PARP10: variants seen among roughly 807,000 people sequenced by gnomAD.
PARP10 encodes poly(ADP-ribose) polymerase family member 10, also known as protein mono-ADP-ribosyltransferase PARP10.
A neutral mutation model predicts 82.4 loss-of-function variants in PARP10; 56 were observed. The ratio of observed to expected loss-of-function variants is 0.68; its 90% CI spans 0.55 to 0.85. The LOEUF is 0.85. Ranked by LOEUF, PARP10 falls within the 40% of genes least tolerant of loss-of-function variation. The pLI, the probability that PARP10 is intolerant of heterozygous loss-of-function variation, is 0.00. For missense variants in PARP10, 1,227 were observed against 1,379.4 expected, an observed-to-expected ratio of 0.89 and a Z score of 1.75; for synonymous variants, 576 against 601.1, an observed-to-expected ratio of 0.96 and a Z score of 0.61.
In PARP10 at chr8:143,977,631, G is replaced by A. The variant is rs190134860; in HGVS notation, c.2931C>T (p.Ser977=). 187 of 1,591,534 alleles carry A rather than the reference G, an allele frequency of 1.2e-4. No homozygotes were observed. The African/African-American group carries it at 2.4e-3, about 20-fold the overall frequency. ...TGGGCTGGCAGATGCAGTCCACGGC[G>A]CTGTCGTAGCGCAGGAGCACGTGGC... ...GPGHVLLRYD[S]AVDCICQPSI... Residue 977 remains serine (S), a synonymous_variant, in exon 11 of 11, where the codon AGC becomes AGT. Transcript: ENST00000313028.
upstream of PARP10, among the ~76,000 whole-genome samples, chr8:143,988,370 A>AAAC (rs1834036570): frequency 1.4e-5 from 2 of 141,890 alleles, no homozygotes; most frequent in Non-Finnish European, 3.0e-5. Context: ...GACTGGTCTC[A>AAAC]AACTCCTGAC....
At position 143,996,388 on chromosome 8, in the gene PARP10, G is replaced by A. The variant is rs186162464; in HGVS notation, c.-79-9950C>T. 3.7e-3 allele frequency among the ~76,000 whole-genome samples: 564 copies of A among 152,336 alleles called. 2 individuals are homozygous for A. The highest frequency in any genetic ancestry group is 0.012 in the African/African-American group (515 of 41,576). On this transcript the variant is annotated intron_variant, in intron 1 of 3. Coordinates refer to the PARP10 transcript ENST00000530478. ...ATTCCCCACCCTGCAAAGCAACGCT[G>A]TCAATCAACGGTGCCTGCTGAAACC... is the stretch of plus-strand genomic sequence containing the variant.
chr8:143,998,935 G>GTGAGAC (rs1834180336), intron 1 of PARP10, among the ~76,000 whole-genome samples: 1 of 141,338 alleles, frequency 7.1e-6, no homozygotes, highest in African/African-American at 2.8e-5. Context: ...GGGTGACAGA[G>GTGAGAC]TGAGACCCTG....
Position 143,977,910 on chromosome 8 carries a change from TGCGGCCGCAGAAGCTGCGGTTGAAGCC to T in PARP10, c.2701_2727del (p.Gly901_Arg909del), listed in dbSNP as rs1554746737. ...CCCTGCCCGGCTCAGGCCTCACCGTTGCGGCCGCAGAAGCTGCGGTTGAAGCCGTGGGCGCAGATGTCAGGCACTGCC... is the reference window on the plus strand; with the variant it reads ...CCCTGCCCGGCTCAGGCCTCACCGTTGTGGGCGCAGATGTCAGGCACTGCC... On this transcript the variant is annotated inframe_deletion, in exon 10 of 11. Coordinates refer to ENST00000313028, the MANE Select transcript of PARP10 (RefSeq NM_032789.5). The T allele has an allele frequency of 6.2e-7, 1 of 1,601,840 alleles. No individual in the cohort carries two copies. Among genetic ancestry groups the T allele is most frequent in the South Asian group, 1.1e-5 (1 of 90,888 alleles).
chr8:143,977,997 C>T lies in PARP10; in HGVS notation c.2641G>A (p.Val881Met), dbSNP rs782668875. 63 of 1,591,862 alleles carry T rather than the reference C, an allele frequency of 4.0e-5. No homozygotes were observed. In the Middle Eastern group the frequency reaches 1.5e-3, roughly 39 times the overall value. ...GTGCCGTGGTACAGCACCTGCTCCA[C>T]CGGGCGCCGCTCGCATCGCTGCAGC... The part of the protein sequence containing the change: ...RLLQRCERRP[V>M]EQVLYHGTTA... Residue 881 changes from valine to methionine, a missense_variant, in exon 10 of 11, where the codon GTG becomes ATG. Physicochemically the swap from Val to Met is conservative, Grantham distance 21 (BLOSUM62 1). Coordinates refer to ENST00000313028, the MANE Select transcript of PARP10 (RefSeq NM_032789.5).
In PARP10 at chr8:143,983,765, G is replaced by A. The variant is rs374771115; in HGVS notation, c.1824C>T (p.Asp608=). 8.1e-5 allele frequency: 130 copies of A among 1,610,708 alleles called. No individual in the cohort carries two copies. Among genetic ancestry groups the A allele is most frequent in the South Asian group, 1.5e-4 (14 of 90,448 alleles). ...LLATLEGLDL[D]GEDWLPRELE... ...GCTCCCGAGGCAGCCAGTCCTCCCC[G>A]TCTAGGTCTAGGCCCTCCAGGGTGG... The change falls in exon 8 of 11, where the codon GAC becomes GAT. Residue 608 remains aspartate, a synonymous_variant. Transcript: ENST00000313028.
upstream of PARP10, chr8:143,992,947 C>A: frequency 1.1e-6 from 1 of 937,184 alleles, no homozygotes; most frequent in Non-Finnish European, 1.6e-6. Flanking sequence ...TCCCCAGGCA[C>A]AGCCTAGGGA....
Position 143,979,388 on chromosome 8 carries a change from G to C in PARP10, c.2557-1307C>G, listed in dbSNP as rs115672392. 5.2e-3 allele frequency among the ~76,000 whole-genome samples: 787 copies of C among 152,266 alleles called. 11 individuals carry two copies. Among genetic ancestry groups the C allele is most frequent in the African/African-American group, 0.018 (761 of 41,544 alleles). On this transcript the variant is annotated intron_variant, in intron 9 of 10. Coordinates refer to ENST00000313028, the MANE Select transcript of PARP10 (RefSeq NM_032789.5). ...ACCAGATGCTAAGAAACCATGGGGG[G>C]ATATTTTTTAACTTTCCAAGAAAAA... is the stretch of plus-strand genomic sequence containing the variant.
At chr8:144,010,217 C>T (rs1326417194) in intron 1 of PARP10, among the ~76,000 whole-genome samples, 1 of 152,180 alleles carries the variant, frequency 6.6e-6, no homozygotes, top group Non-Finnish European at 1.5e-5. Context: ...GTAAGCTCAG[C>T]ATTTATATAT....
chr8:143,992,466 C>T (rs781824850), upstream of PARP10: 3 of 1,614,138 alleles, frequency 1.9e-6, no homozygotes, highest in South Asian at 3.3e-5. Context: ...CACCTGCAGA[C>T]CCGCTACGAC....
In PARP10 at chr8:143,985,270, G is replaced by A. The variant is rs76489217; in HGVS notation, c.732C>T (p.Val244=). The A allele has an allele frequency of 2.2e-3, 3,626 of 1,613,738 alleles. 83 individuals carry two copies. The African/African-American group carries it at 0.043, about 19-fold the overall frequency. The stretch of plus-strand genomic sequence containing the variant: ...CGGGCTCCAGGATGTCGTAGTGGGG[G>A]ACAAGGCTCAGCTCTGAGCCCTGCA... ...HRLQGSELSL[V]PHYDILEPEE... is the part of the protein sequence containing the mutation. The change falls in exon 5 of 11, where the codon GTC becomes GTT. Residue 244 remains valine (V), a synonymous_variant. Coordinates refer to ENST00000313028, the MANE Select transcript of PARP10 (RefSeq NM_032789.5).
At chr8:143,993,487 A>T (rs1267516940), upstream of PARP10, 1 of 156,800 alleles carries the variant, frequency 6.4e-6, no homozygotes, top group Non-Finnish European at 1.4e-5. Context: ...CTCCCTGCTG[A>T]TGGAGACACA....
rs76928472 is a variant in PARP10 at position 144,012,439 on chromosome 8, G to A, written c.-80+91C>T. ...AGACTCTGCACCCTCCTTCAGCCCA[G>A]GCAAGGCCTGGGGCCCTGGGCAGCC... On this transcript the variant is annotated intron_variant, in intron 1 of 3. Coordinates refer to the PARP10 transcript ENST00000530478. The A allele has an allele frequency of 1.2e-3, 1,581 of 1,341,840 alleles. 10 individuals are homozygous for A. In the African/African-American group the frequency reaches 0.02, roughly 17 times the overall value. 83.1% of individuals were successfully genotyped at this position (1,341,840 alleles called of 1,614,324 possible).
chr8:143,990,507 GCCCCTACCCGCCTCGC>G (rs1269869686), upstream of PARP10: 1 of 152,142 alleles, frequency 6.6e-6, no homozygotes, highest in Admixed American at 6.5e-5. The surrounding 1 kb of genome is among the most constrained non-coding windows in gnomAD (Gnocchi z 5.6). Context: ...CACGGCCGCA[GCCCCTACCCGCCTCGC>G]CCCACGCCCG....
intron 1 of PARP10, among the ~76,000 whole-genome samples, chr8:144,010,424 T>C (rs528649942): frequency 8.7e-4 from 132 of 152,306 alleles, no homozygotes; most frequent in African/African-American, 3.1e-3. Flanking sequence ...GGAGTTCTTT[T>C]ATATTAGGAG....
Position 143,981,318 on chromosome 8 carries a change from A to G in PARP10, c.2556+1614T>C, listed in dbSNP as rs111842867. On this transcript the variant is annotated intron_variant, in intron 9 of 10. Transcript: ENST00000313028. Reference sequence around the variant, plus strand: ...GGTGGTGGTGGTAGTGGTGGTGGTGATGGTGGTGACGACAGTGAGTGGTGA... The same window carrying G: ...GGTGGTGGTGGTAGTGGTGGTGGTGGTGGTGGTGACGACAGTGAGTGGTGA... Among the ~76,000 whole-genome samples the G allele has an allele frequency of 4.0e-5, 5 of 123,852 alleles. No individual in the cohort carries two copies. In the East Asian group the frequency reaches 6.8e-4, roughly 17 times the overall value. 81.3% of individuals were successfully genotyped at this position (123,852 alleles called of 152,430 possible).
rs1554747707 is a variant in PARP10, at chr8:143,981,394, GAT to G, written c.2556+1536_2556+1537del. On this transcript the variant is annotated intron_variant, in intron 9 of 10. Coordinates refer to ENST00000313028, the MANE Select transcript of PARP10 (RefSeq NM_032789.5). Reference sequence around the variant, plus strand: ...GACAGTGAGTGGTGAAGGTGATGGTGATGATGGTGGTGACGACAGTGAGTGGT... The same window carrying G: ...GACAGTGAGTGGTGAAGGTGATGGTGGATGGTGGTGACGACAGTGAGTGGT... 1.7e-3 allele frequency among the ~76,000 whole-genome samples: 142 copies of G among 85,770 alleles called. 2 individuals carry two copies. Among genetic ancestry groups the G allele is most frequent in the Non-Finnish European group, 2.6e-3 (103 of 39,502 alleles). 56.3% of individuals were successfully genotyped at this position (85,770 alleles called of 152,430 possible).
At chr8:143,981,260 G>A (rs1833841710) in intron 9 of PARP10, among the ~76,000 whole-genome samples, 7 of 152,254 alleles carry the variant, frequency 4.6e-5, no homozygotes, top group Admixed American at 2.6e-4. Flanking sequence ...CGGTGACAGT[G>A]GTGATGCTAA....
intron 5 of PARP10, 48 bp downstream of exon 5, chr8:143,984,496 C>A (rs1554748668): frequency 1.3e-6 from 2 of 1,590,306 alleles, no homozygotes; most frequent in Non-Finnish European, 1.7e-6. Context: ...TTTGAGTCCC[C>A]AGTAGGAGGA....
Sources: gnomAD v4.1 joint callset for allele counts (sites outside exome capture counted in the v4.1 genomes callset) on GRCh38, gnomAD v4.1.1 for gene constraint, Gnocchi (gnomAD v3.1) non-coding constraint, MANE v1.5 for transcripts, NCBI Gene and HGNC (gene_info 2026-07-23, HGNC 2026-07-21) for gene names.